The following ERG variants were observed in gnomAD, a reference collection of about 807,000 sequenced individuals.
ERG encodes the protein ETS transcription factor ERG.
Under a neutral mutation model 55.3 loss-of-function variants are expected in ERG, and 9 were observed. That is an observed-to-expected ratio of 0.16 (90% CI 0.10 to 0.28). ERG has a LOEUF of 0.28. ERG is among the 10% of genes least tolerant of loss of function. The pLI is 1.00. For synonymous variants in ERG, 223 were observed against 237.3 expected (o/e 0.94, Z 0.55); for missense variants, 434 against 631.6 (o/e 0.69, Z 3.35).
At chr21:38,495,812 A>G (rs761286070) in intron 1 of ERG, among the ~76,000 whole-genome samples, 32 of 152,192 alleles carry the variant, frequency 2.1e-4, no homozygotes, top group Non-Finnish European at 4.3e-4. Context: ...TTTCAGTGCA[A>G]CAGCAGGATC....
rs2059394853 is a variant in ERG, at chr21:38,498,103, C to T, written c.18+260G>A. On this transcript the variant is annotated intron_variant, in intron 1 of 9. Coordinates refer to ENST00000288319, the MANE Select transcript of ERG (RefSeq NM_182918.4). This position sits in a 1 kb window ranked among gnomAD's most constrained non-coding sequence, Gnocchi z 4.6. ...GAAAATTCAGAAGCGCTCCGAAAAG[C>T]CTTTCCAAAAGTAATCCACAGCACT... 6.6e-6 allele frequency among the ~76,000 whole-genome samples: 1 copy of T among 152,162 alleles called. No individual in the cohort carries two copies. Among genetic ancestry groups the T allele is most frequent in the Non-Finnish European group, 1.5e-5 (1 of 68,034 alleles).
intron 1 of ERG, among the ~76,000 whole-genome samples, chr21:38,493,125 T>G (rs1215116685): frequency 6.6e-6 from 1 of 152,208 alleles, no homozygotes; most frequent in Non-Finnish European, 1.5e-5. Flanking sequence ...AAAAAATATA[T>G]ATACCCATTG....
At chr21:38,596,056 T>TG (rs34886564) in intron 1 of ERG, among the ~76,000 whole-genome samples, 2,429 of 102,010 alleles carry the variant, frequency 0.024, 111 homozygotes, top group African/African-American at 0.082. Context: ...GGTGTGGGAT[T>TG]GGGGGGGGGG....
chr21:38,413,316 G>C (rs1013411984), intron 3 of ERG, among the ~76,000 whole-genome samples: 5 of 152,016 alleles, frequency 3.3e-5, no homozygotes, highest in Admixed American at 6.6e-5. Flanking sequence ...TGTTTCTCAG[G>C]TCCTTTTATA....
At chr21:38,367,353 G>A in the ERG span, among the ~76,000 whole-genome samples, 3 of 152,264 alleles carry the variant, frequency 2.0e-5, no homozygotes, top group Admixed American at 6.5e-5. Flanking sequence ...AGCAGCTCAC[G>A]TGGGTGGCTG....
chr21:38,643,463 A>G (rs751013476), intron 1 of ERG, among the ~76,000 whole-genome samples: 1 of 152,108 alleles, frequency 6.6e-6, no homozygotes, highest in Non-Finnish European at 1.5e-5. Flanking sequence ...CCTTCTCCCA[A>G]CCTTGATGCA....
In ERG at chr21:38,498,239, G is replaced by T; in HGVS notation, c.18+124C>A. Reference sequence around the variant, plus strand: ...TACTAGGCAGTGCAAAGGAAATCTTGTTGTCCTCTATTGTGGCAGTGGGGG... The same window carrying T: ...TACTAGGCAGTGCAAAGGAAATCTTTTTGTCCTCTATTGTGGCAGTGGGGG... On this transcript the variant is annotated intron_variant, in intron 1 of 9. Transcript: ENST00000288319. The surrounding 1 kb of genome is among the most constrained non-coding windows in gnomAD (Gnocchi z 4.6). The T allele has an allele frequency of 3.7e-6, 3 of 810,430 alleles. No homozygotes were observed. Among genetic ancestry groups the T allele is most frequent in the Non-Finnish European group, 6.2e-6 (3 of 481,724 alleles). The allele number at this position is 810,430 out of a possible 1,614,324, so 50.2% of individuals were successfully genotyped here.
chr21:38,550,445 G>T (rs1470938425), intron 2 of ERG, among the ~76,000 whole-genome samples: 1 of 152,200 alleles, frequency 6.6e-6, no homozygotes, highest in East Asian at 1.9e-4. Context: ...CCTTTGGAAG[G>T]TGACTAGGTC....
chr21:38,625,361 A>T lies in ERG; in HGVS notation c.-150+36297T>A, dbSNP rs73444309. On this transcript the variant is annotated intron_variant, in intron 1 of 10. Coordinates refer to the ERG transcript ENST00000398910. ...TTGCACCATTAGTTTGTTTTTTTTTAATTTTACTTTAAATTTTGGGATACA... is the reference window on the plus strand; with the variant it reads ...TTGCACCATTAGTTTGTTTTTTTTTTATTTTACTTTAAATTTTGGGATACA... Among the ~76,000 whole-genome samples, 374 of 151,680 alleles carry T rather than the reference A, an allele frequency of 2.5e-3. 2 individuals are homozygous for T. Among genetic ancestry groups the T allele is most frequent in the African/African-American group, 8.3e-3 (343 of 41,190 alleles).
intron 2 of ERG, among the ~76,000 whole-genome samples, chr21:38,532,348 G>A (rs528771950): frequency 7.2e-6 from 1 of 139,448 alleles, no homozygotes; most frequent in Admixed American, 7.7e-5. Context: ...GTTAACAGCT[G>A]GAAGACTGTG....
chr21:38,452,025 G>A (rs1045904865), intron 1 of ERG, among the ~76,000 whole-genome samples: 2 of 152,098 alleles, frequency 1.3e-5, no homozygotes, highest in African/African-American at 2.4e-5. Flanking sequence ...TTGTGTTCAC[G>A]TTTTTCTAAT....
At chr21:38,461,046 C>T (rs2146595907) in intron 1 of ERG, among the ~76,000 whole-genome samples, 1 of 152,296 alleles carries the variant, frequency 6.6e-6, no homozygotes, top group East Asian at 1.9e-4. Context: ...CCTTAAAACC[C>T]AATTTCAATA....
Position 38,579,388 on chromosome 21 carries a change from T to C in ERG, c.-126-3641A>G, listed in dbSNP as rs577765071. ...CAACACAGTCCTGATCCTTGAGGGA[T>C]CGAGATGGGAAACAGATCTGTTTCA... On this transcript the variant is annotated intron_variant, in intron 1 of 8. Transcript: ENST00000398897. Among the ~76,000 whole-genome samples the C allele has an allele frequency of 9.2e-5, 14 of 152,140 alleles. No individual in the cohort carries two copies. In the East Asian group the frequency reaches 2.3e-3, roughly 25 times the overall value.
At chr21:38,586,005 A>G (rs2060061736), upstream of ERG, among the ~76,000 whole-genome samples, 3 of 152,022 alleles carry the variant, frequency 2.0e-5, no homozygotes, top group Admixed American at 2.0e-4. Flanking sequence ...GAAAGGAAAG[A>G]GGATGACCTG....
At chr21:38,507,772 G>T (rs1016204433) in intron 2 of ERG, among the ~76,000 whole-genome samples, 1 of 152,118 alleles carries the variant, frequency 6.6e-6, no homozygotes, top group South Asian at 2.1e-4. Context: ...TCCTCTTTAG[G>T]AATGTGGCCA....
At chr21:38,581,253 T>C (rs2060027007) in intron 1 of ERG, among the ~76,000 whole-genome samples, 1 of 152,180 alleles carries the variant, frequency 6.6e-6, no homozygotes, top group South Asian at 2.1e-4. Flanking sequence ...ATGAGCACAG[T>C]GCAGAGCCAG....
At chr21:38,428,666 C>T (rs12482779) in intron 2 of ERG, among the ~76,000 whole-genome samples, 5,863 of 152,204 alleles carry the variant, frequency 0.039, 299 homozygotes, top group East Asian at 0.21. Flanking sequence ...TTTAAACATA[C>T]ACATACTTTT....
At chr21:38,472,512 A>G (rs1237325401) in intron 1 of ERG, among the ~76,000 whole-genome samples, 1 of 152,078 alleles carries the variant, frequency 6.6e-6, no homozygotes, top group African/African-American at 2.4e-5. Flanking sequence ...GGTATTTGTA[A>G]CTTCTAAAAC....
intron 1 of ERG, among the ~76,000 whole-genome samples, chr21:38,603,132 T>C (rs2060174467): frequency 6.6e-6 from 1 of 151,924 alleles, no homozygotes. Flanking sequence ...AACTTGTAGC[T>C]CATAGCTGGG....
Sources: gnomAD v4.1 joint callset for allele counts (sites outside exome capture counted in the v4.1 genomes callset) on GRCh38, gnomAD v4.1.1 for gene constraint, Gnocchi (gnomAD v3.1) non-coding constraint, MANE v1.5 for transcripts, NCBI Gene and HGNC (gene_info 2026-07-23, HGNC 2026-07-21) for gene names.